Variants in THSD7B observed in about 807,000 individuals in gnomAD.
THSD7B encodes thrombospondin type-1 domain-containing protein 7B.
Under a neutral mutation model 213.6 loss-of-function variants are expected in THSD7B, and 138 were observed. That is an observed-to-expected ratio of 0.65 (90% confidence interval 0.56 to 0.74). The LOEUF (loss-of-function observed/expected upper bound fraction) is 0.74. Ranked by LOEUF, THSD7B falls within the 30% of genes least tolerant of loss-of-function variation. The pLI, the probability that THSD7B is intolerant of heterozygous loss-of-function variation, is 0.00. For synonymous variants in THSD7B, 742 were observed against 687.0 expected (o/e 1.08, Z -1.25); for missense variants, 1,931 against 1,991.5 (o/e 0.97, Z 0.58).
intron 15 of THSD7B, among the ~76,000 whole-genome samples, chr2:137,491,588 G>A (rs966381839): frequency 2.0e-5 from 3 of 152,172 alleles, no homozygotes; most frequent in South Asian, 2.1e-4. Context: ...TGTGGAGAGA[G>A]GTTTAGATTG....
intron 2 of THSD7B, among the ~76,000 whole-genome samples, chr2:136,953,242 T>A (rs1292278364): frequency 2.0e-5 from 3 of 152,132 alleles, no homozygotes; most frequent in Non-Finnish European, 4.4e-5. Flanking sequence ...AAGAAAAAAA[T>A]TACCCTTAGA....
intron 4 of THSD7B, among the ~76,000 whole-genome samples, chr2:137,101,338 G>A (rs968158613): frequency 1.3e-5 from 2 of 152,270 alleles, no homozygotes; most frequent in East Asian, 3.9e-4. Context: ...CACCATGCCG[G>A]CCTTCCATTG....
intron 1 of THSD7B, among the ~76,000 whole-genome samples, chr2:136,833,363 C>CAAAA (rs10639590): frequency 0.12 from 6,715 of 55,294 alleles, 1,824 homozygotes; most frequent in East Asian, 0.57. Context: ...GACTCCGTCT[C>CAAAA]AAAAAAAAAA....
At chr2:137,373,537 A>G (rs1003365112) in intron 12 of THSD7B, among the ~76,000 whole-genome samples, 1 of 151,906 alleles carries the variant, frequency 6.6e-6, no homozygotes, top group Non-Finnish European at 1.5e-5. Context: ...CCACTTGTTG[A>G]TGGGGTTGTT....
At chr2:137,303,347 T>C (rs981737169) in intron 12 of THSD7B, among the ~76,000 whole-genome samples, 1 of 152,168 alleles carries the variant, frequency 6.6e-6, no homozygotes, top group Admixed American at 6.5e-5. Flanking sequence ...GTTCATTTTG[T>C]ACTATGACCT....
intron 15 of THSD7B, among the ~76,000 whole-genome samples, chr2:137,477,024 G>T (rs934728706): frequency 1.3e-5 from 2 of 152,136 alleles, no homozygotes; most frequent in Non-Finnish European, 2.9e-5. Flanking sequence ...TGTCTGTTAG[G>T]TCTATTTGTT....
intron 15 of THSD7B, among the ~76,000 whole-genome samples, chr2:137,519,992 C>T (rs913977269): frequency 1.3e-5 from 2 of 152,142 alleles, no homozygotes; most frequent in Non-Finnish European, 2.9e-5. Flanking sequence ...CACATGAAGA[C>T]GAAGAGCCCT....
intron 4 of THSD7B, among the ~76,000 whole-genome samples, chr2:137,114,646 C>T (rs757227941): frequency 2.0e-5 from 3 of 152,156 alleles, no homozygotes; most frequent in Non-Finnish European, 4.4e-5. Context: ...ATCAAGAAGA[C>T]TGAAAAGTTG....
At chr2:137,280,823 GA>G (rs1558740847) in intron 12 of THSD7B, among the ~76,000 whole-genome samples, 3 of 152,078 alleles carry the variant, frequency 2.0e-5, no homozygotes, top group African/African-American at 2.4e-5. Context: ...ACTAAAAAAA[GA>G]GAGAAAGAAA....
chr2:137,369,642 A>G (rs1188291739), intron 12 of THSD7B, among the ~76,000 whole-genome samples: 1 of 152,186 alleles, frequency 6.6e-6, no homozygotes, highest in Non-Finnish European at 1.5e-5. Context: ...CAACTCAGTA[A>G]CGATTACTCT....
At chr2:137,239,059 A>G (rs1472266045) in intron 9 of THSD7B, among the ~76,000 whole-genome samples, 1 of 152,220 alleles carries the variant, frequency 6.6e-6, no homozygotes, top group Non-Finnish European at 1.5e-5. Flanking sequence ...GTAAAATAAT[A>G]GAGGGACTGA....
intron 2 of THSD7B, among the ~76,000 whole-genome samples, chr2:136,882,876 G>T (rs913801223): frequency 3.9e-5 from 6 of 152,098 alleles, no homozygotes; most frequent in African/African-American, 1.4e-4. Context: ...AATAATTTGA[G>T]TTGAAATTTG....
intron 15 of THSD7B, among the ~76,000 whole-genome samples, chr2:137,501,816 T>G (rs1283779144): frequency 6.6e-6 from 1 of 152,190 alleles, no homozygotes; most frequent in Non-Finnish European, 1.5e-5. Flanking sequence ...CAGAGATAAG[T>G]TAAATTTAGT....
In THSD7B at chr2:136,898,510, G is replaced by T; in HGVS notation, c.139+16193G>T. ...TTCTACTAGGCAGAGAGTACTGCAAGTAAGTTTTACTCCAACATTTACTAT... is the reference window on the plus strand; with the variant it reads ...TTCTACTAGGCAGAGAGTACTGCAATTAAGTTTTACTCCAACATTTACTAT... On this transcript the variant is annotated intron_variant, in intron 2 of 27. Coordinates refer to ENST00000409968, the MANE Select transcript of THSD7B (RefSeq NM_001316349.2). 1.3e-5 allele frequency among the ~76,000 whole-genome samples: 2 copies of T among 151,026 alleles called. 1 individual carries two copies. The highest frequency in any genetic ancestry group is 3.9e-4 in the East Asian group (2 of 5,156).
At chr2:137,171,837 A>C (rs1308779036) in intron 7 of THSD7B, among the ~76,000 whole-genome samples, 1 of 151,598 alleles carries the variant, frequency 6.6e-6, no homozygotes, top group Non-Finnish European at 1.5e-5. Flanking sequence ...CCCTCTCTTC[A>C]TCCTTTCTTC....
chr2:137,423,392 T>C (rs1401992901), intron 14 of THSD7B, among the ~76,000 whole-genome samples: 1 of 152,004 alleles, frequency 6.6e-6, no homozygotes, highest in Non-Finnish European at 1.5e-5. Context: ...TAGAAAATAC[T>C]AAGAACCACC....
intron 3 of THSD7B, among the ~76,000 whole-genome samples, chr2:137,091,520 T>C (rs1377148739): frequency 2.6e-5 from 4 of 151,728 alleles, no homozygotes; most frequent in Non-Finnish European, 2.9e-5. Context: ...TATTTTATTT[T>C]ATTCATTCAT....
At chr2:136,955,238 T>C (rs2105077228) in intron 2 of THSD7B, among the ~76,000 whole-genome samples, 1 of 152,300 alleles carries the variant, frequency 6.6e-6, no homozygotes, top group Middle Eastern at 3.4e-3. Context: ...TGGAATATAT[T>C]TGATCACCTT....
intron 2 of THSD7B, among the ~76,000 whole-genome samples, chr2:136,914,358 G>A (rs1295080249): frequency 6.6e-6 from 1 of 152,270 alleles, no homozygotes; most frequent in East Asian, 1.9e-4. Context: ...TTAGACTATG[G>A]CCTTTTGAGT....
Sources: allele counts gnomAD v4.1 joint callset (sites outside exome capture counted in the v4.1 genomes callset), GRCh38; gene constraint gnomAD v4.1.1; transcripts MANE v1.5; gene names NCBI Gene and HGNC (gene_info 2026-07-23, HGNC 2026-07-21).